The following HTRA2 variants were observed in gnomAD, a reference collection of about 807,000 sequenced individuals.
The protein encoded by HTRA2 is serine protease HTRA2, mitochondrial.
A neutral mutation model predicts 42.2 loss-of-function variants in HTRA2; 24 were observed. The observed-to-expected ratio is 0.57, with a 90% CI of 0.41 to 0.80. The LOEUF is 0.80. Among genes scored for constraint, HTRA2 ranks in the 30% least tolerant of loss-of-function variants. HTRA2 has a pLI of 0.00. For synonymous variants in HTRA2, 245 were observed against 255.8 expected (o/e 0.96, Z 0.40); for missense variants, 466 against 613.5 (o/e 0.76, Z 2.54).
chr2:74,532,884 G>C lies in HTRA2; in HGVS notation c.1276G>C (p.Asp426His). The C allele has an allele frequency of 6.2e-7, 1 of 1,614,150 alleles. No individual in the cohort carries two copies. Among genetic ancestry groups the C allele is most frequent in the Non-Finnish European group, 8.5e-7 (1 of 1,180,026 alleles). The change falls in exon 8 of 8, where the codon GAT becomes CAT. Residue 426 changes from aspartate to histidine, a missense_variant. Transcript: ENST00000258080. Reference sequence around the variant, plus strand: ...GGAGCAGATGGTACAAAATGCTGAAGATGTTTATGAAGCTGTTCGAACCCA... The same window carrying C: ...GGAGCAGATGGTACAAAATGCTGAACATGTTTATGAAGCTGTTCGAACCCA... ...IGEQMVQNAE[D>H]VYEAVRTQSQ...
intron 7 of HTRA2, 43 bp from the exon 8 acceptor site, chr2:74,532,777 G>A: frequency 1.9e-6 from 3 of 1,613,670 alleles, no homozygotes; most frequent in Non-Finnish European, 2.5e-6. Context: ...CTTGAACTAG[G>A]CTTTGTACTC....
rs755085202 is a variant in HTRA2 at position 74,530,284 on chromosome 2, G to C, written c.278G>C (p.Arg93Pro). Residue 93 changes from arginine (R) to proline (P), a missense_variant, in exon 1 of 8, where the codon CGG (arginine) becomes CCG (proline). Arg to Pro is a moderately radical substitution (Grantham distance 103). Around this residue, in one of 3 missense-constraint regions of HTRA2, gnomAD observed 222 missense variants for 205.1 expected, o/e 1.08. Coordinates refer to ENST00000258080, the MANE Select transcript of HTRA2 (RefSeq NM_013247.5). This position sits in a 1 kb window ranked among gnomAD's most constrained non-coding sequence, Gnocchi z 7.4. The stretch of plus-strand genomic sequence containing the variant: ...GCGGTGACCCCAGATACCAGGACCC[G>C]GGAGGCCTCAGAGAACTCTGGAACC... ...LTAVTPDTRT[R>P]EASENSGTRS... The C allele has an allele frequency of 1.9e-6, 3 of 1,604,558 alleles. No homozygotes were observed. Among genetic ancestry groups the C allele is most frequent in the East Asian group, 4.5e-5 (2 of 44,328 alleles).
chr2:74,531,923 C>T lies in HTRA2; in HGVS notation c.1113C>T (p.Pro371=). Residue 371 remains proline, a splice_region_variant and synonymous_variant, in exon 6 of 8, where the codon CCC becomes CCT. Transcript: ENST00000258080. ...GGGTGATGATGCTGACCCTGAGTCC[C>T]AGGTATGAGCTTTAGGGACAGTGAC... ...YIGVMMLTLS[P]SILAELQLRE... 2 of 1,614,042 alleles carry T rather than the reference C, an allele frequency of 1.2e-6. No homozygotes were observed. The highest frequency in any genetic ancestry group is 2.2e-5 in the East Asian group (1 of 44,876).
At chr2:74,531,422 G>T in intron 4 of HTRA2, 51 bp downstream of exon 4, 1 of 1,610,682 alleles carries the variant, frequency 6.2e-7, no homozygotes, top group Non-Finnish European at 8.5e-7. Context: ...GTCAGTGTGG[G>T]AAGGGTAGGT....
At chr2:74,531,524 G>A in intron 4 of HTRA2, 73 bp from the exon 5 acceptor site, 1 of 1,612,206 alleles carries the variant, frequency 6.2e-7, no homozygotes, top group Non-Finnish European at 8.5e-7. Context: ...AACACTTGCT[G>A]GTACTTTTGT....
At chr2:74,529,813 C>T (rs905341496), upstream of HTRA2, 3 of 1,430,656 alleles carry the variant, frequency 2.1e-6, no homozygotes, top group Non-Finnish European at 2.7e-6. Context: ...CGTCTCACAA[C>T]TCGCGTCCGG....
intron 7 of HTRA2, 38 bp from the exon 8 acceptor site, chr2:74,532,782 G>C (rs747794608): frequency 6.2e-7 from 1 of 1,613,816 alleles, no homozygotes; most frequent in African/African-American, 1.3e-5. Flanking sequence ...ACTAGGCTTT[G>C]TACTCCTTCC....
Position 74,530,325 on chromosome 2 carries a change from C to G in HTRA2, c.319C>G (p.Leu107Val). 6.3e-7 allele frequency: 1 copy of G among 1,595,032 alleles called. No homozygotes were observed. Among genetic ancestry groups the G allele is most frequent in the Non-Finnish European group, 8.6e-7 (1 of 1,168,846 alleles). ...CTCTGGAACCCGTTCGCGCGCGTGG[C>G]TGGCGGTGGCGCTGGGCGCTGGGGG... ...ENSGTRSRAW[L>V]AVALGAGGAV... The change falls in exon 1 of 8, where the codon CTG becomes GTG. Residue 107 changes from leucine (L) to valine (V), a missense_variant. Coordinates refer to ENST00000258080, the MANE Select transcript of HTRA2 (RefSeq NM_013247.5). The surrounding 1 kb of genome is among the most constrained non-coding windows in gnomAD (Gnocchi z 7.4).
rs754766915 is a variant in HTRA2, at chr2:74,530,022, G to A, written c.16G>A (p.Ala6Thr). Reference sequence around the variant, plus strand: ...GGCGGAGCTGATGGCTGCGCCGAGGGCGGGGCGGGGTGCAGGCTGGAGCCT... The same window carrying A: ...GGCGGAGCTGATGGCTGCGCCGAGGACGGGGCGGGGTGCAGGCTGGAGCCT... The part of the protein sequence containing the change: MAAPR[A>T]GRGAGWSLRA... The change falls in exon 1 of 8, where the codon GCG (alanine) becomes ACG (threonine). Residue 6 changes from alanine (A) to threonine (T), a missense_variant. Ala to Thr is a moderately conservative substitution (Grantham distance 58). Coordinates refer to ENST00000258080, the MANE Select transcript of HTRA2 (RefSeq NM_013247.5). This position sits in a 1 kb window ranked among gnomAD's most constrained non-coding sequence, Gnocchi z 7.4. The A allele has an allele frequency of 2.8e-5, 43 of 1,544,844 alleles. No individual in the cohort carries two copies. The highest frequency in any genetic ancestry group is 3.6e-5 in the Non-Finnish European group (41 of 1,140,996).
At position 74,531,701 on chromosome 2, in the gene HTRA2, G is replaced by A. The variant is rs1675620002; in HGVS notation, c.1044G>A (p.Lys348=). The part of the protein sequence containing the change: ...LREFLHRGEK[K]NSSSGISGSQ... ...AGTTTCTGCATCGTGGGGAAAAGAAGAGTGAGCCTGCCTTATGGGGAAACG... is the reference window on the plus strand; with the variant it reads ...AGTTTCTGCATCGTGGGGAAAAGAAAAGTGAGCCTGCCTTATGGGGAAACG... The change falls in exon 5 of 8, where the codon AAG becomes AAA. Residue 348 remains lysine (K), a splice_region_variant and synonymous_variant. Transcript: ENST00000258080. 1 of 1,613,880 alleles carries A rather than the reference G, an allele frequency of 6.2e-7. No homozygotes were observed. The highest frequency in any genetic ancestry group is 1.3e-5 in the African/African-American group (1 of 74,912).
chr2:74,533,207 T>G lies in HTRA2; in HGVS notation c.*222T>G. On this transcript the variant is annotated 3_prime_UTR_variant, in exon 8 of 8. Coordinates refer to ENST00000258080, the MANE Select transcript of HTRA2 (RefSeq NM_013247.5). ...ATAGTAAAAAATGAGGTGGGAGGGC[T>G]GGATCTTTTCCCCCACCAAAAGGCT... 1.7e-6 allele frequency: 1 copy of G among 580,266 alleles called. No homozygotes were observed. The highest frequency in any genetic ancestry group is 2.1e-5 in the South Asian group (1 of 48,160). 35.9% of individuals were successfully genotyped at this position (580,266 alleles called of 1,614,324 possible).
chr2:74,529,724 G>A, upstream of HTRA2: 1 of 1,526,600 alleles, frequency 6.6e-7, no homozygotes. Flanking sequence ...TTGGGCATCC[G>A]CCCGGGGTGA....
Position 74,532,811 on chromosome 2 carries a change from T to C in HTRA2, c.1212-9T>C, listed in dbSNP as rs1332687533. ...TCCTTCCTTTCTCTCTGTCCATTTTTCTCTATAGGGCTGGTCTGCGGCCTG... is the reference window on the plus strand; with the variant it reads ...TCCTTCCTTTCTCTCTGTCCATTTTCCTCTATAGGGCTGGTCTGCGGCCTG... On this transcript the variant is annotated splice_polypyrimidine_tract_variant and intron_variant, in intron 7 of 7. Coordinates refer to ENST00000258080, the MANE Select transcript of HTRA2 (RefSeq NM_013247.5). 3 of 1,614,102 alleles carry C rather than the reference T, an allele frequency of 1.9e-6. No homozygotes were observed. The highest frequency in any genetic ancestry group is 2.5e-6 in the Non-Finnish European group (3 of 1,180,030).
intron 3 of HTRA2, 80 bp downstream of exon 3, chr2:74,531,185 G>A: frequency 1.3e-6 from 2 of 1,554,438 alleles, no homozygotes; most frequent in Non-Finnish European, 8.9e-7. Context: ...ACTGATATAT[G>A]GTGGATGAGC....
chr2:74,531,873 A>C lies in HTRA2; in HGVS notation c.1063A>C (p.Ser355Arg). The C allele has an allele frequency of 6.2e-7, 1 of 1,614,092 alleles. No individual in the cohort carries two copies. The highest frequency in any genetic ancestry group is 8.5e-7 in the Non-Finnish European group (1 of 1,180,028). ...TGTCACAGATTCCTCCTCCGGAATCAGTGGGTCCCAGCGGCGCTACATTGG... is the reference window on the plus strand; with the variant it reads ...TGTCACAGATTCCTCCTCCGGAATCCGTGGGTCCCAGCGGCGCTACATTGG... The part of the protein sequence containing the change: ...GEKKNSSSGI[S>R]GSQRRYIGVM... The change falls in exon 6 of 8, where the codon AGT (serine) becomes CGT (arginine). Residue 355 changes from serine to arginine, a missense_variant. Physicochemically the swap from Ser to Arg is moderately radical, Grantham distance 110. Coordinates refer to ENST00000258080, the MANE Select transcript of HTRA2 (RefSeq NM_013247.5).
In HTRA2 at chr2:74,531,653, C is replaced by T. The variant is rs1179403910; in HGVS notation, c.996C>T (p.Ala332=). 1.9e-6 allele frequency: 3 copies of T among 1,614,042 alleles called. No individual in the cohort carries two copies. Among genetic ancestry groups the T allele is most frequent in the African/African-American group, 1.3e-5 (1 of 74,906 alleles). ...TMKVTAGISF[A]IPSDRLREFL... is the part of the protein sequence containing the mutation. ...AGGTCACAGCTGGAATCTCCTTTGC[C>T]ATCCCTTCTGATCGTCTTCGAGAGT... is the stretch of plus-strand genomic sequence containing the variant. Residue 332 remains alanine, a synonymous_variant, in exon 5 of 8, where the codon GCC becomes GCT. Transcript: ENST00000258080.
At chr2:74,531,260 G>T in intron 3 of HTRA2, 79 bp from the exon 4 acceptor site, 1 of 1,574,850 alleles carries the variant, frequency 6.3e-7, no homozygotes, top group South Asian at 1.1e-5. Flanking sequence ...AAGAGAATTT[G>T]GAGAAAGTAC....
At position 74,530,764 on chromosome 2, in the gene HTRA2, C is replaced by T. The variant is rs770603137; in HGVS notation, c.654C>T (p.Ala218=). Reference sequence around the variant, plus strand: ...TGCTAAGCGGCGACACGTATGAGGCCGTGGTCACAGCTGTGGATCCCGTGG... The same window carrying T: ...TGCTAAGCGGCGACACGTATGAGGCTGTGGTCACAGCTGTGGATCCCGTGG... ...VRLLSGDTYE[A]VVTAVDPVAD... The change falls in exon 2 of 8, where the codon GCC becomes GCT. Residue 218 remains alanine (A), a synonymous_variant. Coordinates refer to ENST00000258080, the MANE Select transcript of HTRA2 (RefSeq NM_013247.5). This position sits in a 1 kb window ranked among gnomAD's most constrained non-coding sequence, Gnocchi z 7.4. 1.2e-5 allele frequency: 19 copies of T among 1,614,038 alleles called. No individual in the cohort carries two copies. Among genetic ancestry groups the T allele is most frequent in the Non-Finnish European group, 1.5e-5 (18 of 1,180,042 alleles).
chr2:74,532,714 G>A lies in HTRA2; in HGVS notation c.1211G>A (p.Arg404Gln), dbSNP rs767006508. ...GTCATCCTGGGCTCCCCTGCACACCGGTGAGGGAGAGGCTGCAGTGTGATA... is the reference window on the plus strand; with the variant it reads ...GTCATCCTGGGCTCCCCTGCACACCAGTGAGGGAGAGGCTGCAGTGTGATA... ...HKVILGSPAH[R>Q]AGLRPGDVIL... The change falls in exon 7 of 8, where the codon CGG becomes CAG. Residue 404 changes from arginine to glutamine, a missense_variant and splice_region_variant. Physicochemically the swap from Arg to Gln is conservative, Grantham distance 43 (BLOSUM62 1). Transcript: ENST00000258080. The A allele has an allele frequency of 8.7e-6, 14 of 1,613,412 alleles. No homozygotes were observed. Among genetic ancestry groups the A allele is most frequent in the South Asian group, 3.3e-5 (3 of 91,064 alleles).
Sources: gnomAD v4.1 joint callset for allele counts on GRCh38, gnomAD v4.1.1 for gene constraint, gnomAD v4.1.1 regional missense constraint, Gnocchi (gnomAD v3.1) non-coding constraint, MANE v1.5 for transcripts, NCBI Gene and HGNC (gene_info 2026-07-23, HGNC 2026-07-21) for gene names.